GRB10: variants seen among roughly 807,000 people sequenced by gnomAD.
GRB10 encodes the protein growth factor receptor bound protein 10.
A neutral mutation model predicts 80.9 loss-of-function variants in GRB10; 20 were observed. That is an observed-to-expected ratio of 0.25 (90% CI 0.17 to 0.36). The LOEUF (loss-of-function observed/expected upper bound fraction) is 0.36. GRB10 is among the 10% of genes least tolerant of loss of function. The pLI is 1.00. For missense variants in GRB10, 548 were observed against 747.7 expected (o/e 0.73, Z 3.12); for synonymous variants, 291 against 291.5 (o/e 1.00, Z 0.02).
rs2073838258 is a variant in GRB10, at chr7:50,750,062, G to A, written c.-47+5825C>T. Among the ~76,000 whole-genome samples, 3 of 152,266 alleles carry A rather than the reference G, an allele frequency of 2.0e-5. No individual in the cohort carries two copies. The South Asian group carries it at 6.2e-4, about 32-fold the overall frequency. The stretch of plus-strand genomic sequence containing the variant: ...CAGGCTGGCCCCACTCTCCCAGGTG[G>A]GGGCAAAGAAAAAAGGAGAACCTAT... On this transcript the variant is annotated intron_variant, in intron 3 of 18. Transcript: ENST00000401949.
intron 3 of GRB10, among the ~76,000 whole-genome samples, chr7:50,733,642 CTG>C (rs2070290953): frequency 2.0e-5 from 3 of 152,214 alleles, no homozygotes; most frequent in Admixed American, 2.0e-4. Context: ...TCAGTGAGAA[CTG>C]TGCCCGCATC....
Position 50,703,857 on chromosome 7 carries a change from G to A in GRB10, c.103C>T (p.Leu35Phe), listed in dbSNP as rs747264634. ...GCAAGTCGGTCAGACTGTGCGGGGA[G>A]TCCTGGTCCTGCCGGGTCTTGTTGA... ...RSQQDPAGPGLPAQSDRLANH... is the reference protein window; with the variant it reads ...RSQQDPAGPGFPAQSDRLANH... Residue 35 changes from leucine (L) to phenylalanine (F), a missense_variant, in exon 5 of 19, where the codon CTC becomes TTC. By Grantham distance (22) the Leu-to-Phe change is conservative. This residue lies in a region of GRB10 where 245 missense variants were observed against 229.3 expected (regional missense o/e 1.07). Coordinates refer to ENST00000401949, the MANE Select transcript of GRB10 (RefSeq NM_001350814.2). 3.1e-6 allele frequency: 5 copies of A among 1,613,478 alleles called. 1 individual carries two copies. The highest frequency in any genetic ancestry group is 2.2e-5 in the South Asian group (2 of 91,056).
At chr7:50,730,468 C>G (rs1029907342) in intron 4 of GRB10, among the ~76,000 whole-genome samples, 3 of 152,060 alleles carry the variant, frequency 2.0e-5, no homozygotes, top group African/African-American at 7.2e-5. Context: ...GTAAATCATC[C>G]CATATTCTGA....
chr7:50,605,491 A>G, intron 14 of GRB10, 85 bp from the exon 15 acceptor site: 1 of 1,104,952 alleles, frequency 9.1e-7, no homozygotes, highest in East Asian at 2.4e-5. Context: ...CAAGACGGTC[A>G]GGAAAGGGGA....
intron 7 of GRB10, among the ~76,000 whole-genome samples, chr7:50,648,975 A>C (rs1361868700): frequency 1.3e-5 from 2 of 152,114 alleles, no homozygotes; most frequent in Non-Finnish European, 2.9e-5. Flanking sequence ...CTGAGTGGCC[A>C]CGGGACTTGG....
chr7:50,724,815 T>C (rs773594125), intron 4 of GRB10, among the ~76,000 whole-genome samples: 23 of 152,172 alleles, frequency 1.5e-4, no homozygotes, highest in Non-Finnish European at 2.2e-4. Context: ...GCACAGTCAA[T>C]GTTACAGGAG....
At chr7:50,733,829 T>A (rs187341439) in intron 3 of GRB10, among the ~76,000 whole-genome samples, 1 of 152,292 alleles carries the variant, frequency 6.6e-6, no homozygotes, top group East Asian at 1.9e-4. Flanking sequence ...TAGGTGTGGT[T>A]AATGTCTACA....
intron 6 of GRB10, among the ~76,000 whole-genome samples, chr7:50,673,250 G>A (rs569520151): frequency 6.6e-6 from 1 of 152,284 alleles, no homozygotes; most frequent in South Asian, 2.1e-4. Flanking sequence ...AGCAGAGATG[G>A]CTGTACATCC....
At chr7:50,599,189 G>A (rs1171754405) in intron 17 of GRB10, among the ~76,000 whole-genome samples, 2 of 152,164 alleles carry the variant, frequency 1.3e-5, no homozygotes, top group African/African-American at 4.8e-5. Flanking sequence ...GACGGGGATG[G>A]GAGGGGAGCT....
chr7:50,742,271 GCACACACACACACACA>G (rs55813195), intron 3 of GRB10, among the ~76,000 whole-genome samples: 9 of 46,866 alleles, frequency 1.9e-4, no homozygotes, highest in African/African-American at 5.5e-4. Flanking sequence ...ACGCGCGCGC[GCACACACACACACACA>G]CACACACACA....
intron 2 of GRB10, among the ~76,000 whole-genome samples, chr7:50,759,864 A>G (rs887116180): frequency 3.3e-5 from 5 of 152,318 alleles, no homozygotes; most frequent in Non-Finnish European, 4.4e-5. Flanking sequence ...CCACAGAGAC[A>G]GTGAATGGCC....
chr7:50,654,094 G>C (rs944685842), intron 7 of GRB10, among the ~76,000 whole-genome samples: 1 of 152,202 alleles, frequency 6.6e-6, no homozygotes, highest in Non-Finnish European at 1.5e-5. Flanking sequence ...GCTGAGCATG[G>C]AAGAGACAAC....
chr7:50,751,129 C>T (rs2074041504), intron 3 of GRB10, among the ~76,000 whole-genome samples: 1 of 152,122 alleles, frequency 6.6e-6, no homozygotes, highest in Admixed American at 6.5e-5. Context: ...TGGACACTGC[C>T]CTCCTCACCA....
intron 5 of GRB10, among the ~76,000 whole-genome samples, chr7:50,692,309 C>G (rs900780740): frequency 6.6e-6 from 1 of 152,080 alleles, no homozygotes; most frequent in Non-Finnish European, 1.5e-5. Flanking sequence ...CACACACACG[C>G]ACACATATAT....
chr7:50,597,809 C>A (rs75068750), intron 17 of GRB10, among the ~76,000 whole-genome samples: 1 of 152,354 alleles, frequency 6.6e-6, no homozygotes, highest in Non-Finnish European at 1.5e-5. Context: ...TTAGCTTCAT[C>A]ATCTTGGGCA....
chr7:50,783,605 A>C (rs770351110), upstream of GRB10, among the ~76,000 whole-genome samples: 1 of 152,128 alleles, frequency 6.6e-6, no homozygotes, highest in Admixed American at 6.5e-5. Context: ...TGATGGAAGC[A>C]AAACAGAACG....
At chr7:50,682,441 T>C (rs138665106) in intron 5 of GRB10, among the ~76,000 whole-genome samples, 2 of 152,340 alleles carry the variant, frequency 1.3e-5, no homozygotes, top group East Asian at 3.9e-4. Flanking sequence ...TATCTGCTAT[T>C]TGGTGTTTTT....
intron 12 of GRB10, among the ~76,000 whole-genome samples, chr7:50,613,074 GAAT>G (rs1288035309): frequency 1.3e-5 from 2 of 152,194 alleles, no homozygotes; most frequent in African/African-American, 4.8e-5. Context: ...CCACTTAGCT[GAAT>G]AATAAGCCAT....
At chr7:50,753,457 G>A (rs1403839494) in intron 3 of GRB10, among the ~76,000 whole-genome samples, 2 of 152,160 alleles carry the variant, frequency 1.3e-5, no homozygotes, top group African/African-American at 4.8e-5. Flanking sequence ...TGGACAAGAG[G>A]GAGCCCATCT....
Sources: gnomAD v4.1 joint callset for allele counts (sites outside exome capture counted in the v4.1 genomes callset) on GRCh38, gnomAD v4.1.1 for gene constraint, gnomAD v4.1.1 regional missense constraint, MANE v1.5 for transcripts, NCBI Gene and HGNC (gene_info 2026-07-23, HGNC 2026-07-21) for gene names.